ABCC4: variants seen among roughly 807,000 people sequenced by gnomAD.
ABCC4 encodes ATP binding cassette subfamily C member 4 (PEL blood group), also known as ATP-binding cassette sub-family C member 4.
Under a neutral mutation model 168.5 loss-of-function variants are expected in ABCC4, and 102 were observed. The ratio of observed to expected loss-of-function variants is 0.61; its 90% confidence interval spans 0.52 to 0.71. The LOEUF is 0.71. ABCC4 is among the 30% of genes least tolerant of loss of function. The pLI, the probability that ABCC4 is intolerant of heterozygous loss-of-function variation, is 0.00. For synonymous variants in ABCC4, 617 were observed against 590.7 expected (o/e 1.04, Z -0.65); for missense variants, 1,402 against 1,605.8 (o/e 0.87, Z 2.17).
chr13:95,247,173 G>T, intron 2 of ABCC4, 78 bp from the exon 3 acceptor site: 1 of 1,489,426 alleles, frequency 6.7e-7, no homozygotes, highest in South Asian at 1.2e-5. Flanking sequence ...AGAGTGACAG[G>T]TATGCATTTA....
Position 95,291,648 on chromosome 13 carries a change from T to C in ABCC4, c.74+9593A>G, listed in dbSNP as rs1334155640. On this transcript the variant is annotated intron_variant, in intron 1 of 30. Coordinates refer to ENST00000645237, the MANE Select transcript of ABCC4 (RefSeq NM_005845.5). The stretch of plus-strand genomic sequence containing the variant: ...GCATAGGGATAGAAGAGCAGTTACA[T>C]GGGGACAAGCCCTGCGGACTGTGAG... 2.6e-5 allele frequency among the ~76,000 whole-genome samples: 4 copies of C among 152,194 alleles called. No individual in the cohort carries two copies. The East Asian group carries it at 7.7e-4, about 29-fold the overall frequency.
At chr13:95,190,991 C>T (rs967194944) in intron 9 of ABCC4, among the ~76,000 whole-genome samples, 3 of 152,178 alleles carry the variant, frequency 2.0e-5, no homozygotes, top group African/African-American at 7.2e-5. Flanking sequence ...AAGGATTCTT[C>T]AAAATGAATC....
chr13:95,204,760 G>C (rs927085501), intron 8 of ABCC4, among the ~76,000 whole-genome samples: 4 of 152,168 alleles, frequency 2.6e-5, no homozygotes, highest in African/African-American at 9.7e-5. Flanking sequence ...TTCTAAGATA[G>C]GCAAACTCCT....
At chr13:95,241,240 C>T (rs999709566) in intron 3 of ABCC4, among the ~76,000 whole-genome samples, 1 of 151,200 alleles carries the variant, frequency 6.6e-6, no homozygotes, top group Non-Finnish European at 1.5e-5. Flanking sequence ...TGGCGCACAC[C>T]TGTAGTCCCA....
chr13:95,075,638 C>A, intron 21 of ABCC4, 87 bp from the exon 22 acceptor site: 1 of 1,562,708 alleles, frequency 6.4e-7, no homozygotes, highest in Non-Finnish European at 8.7e-7. Context: ...ACGTATCCAC[C>A]AAACAGCACA....
chr13:95,294,215 C>T (rs1370048925), intron 1 of ABCC4, among the ~76,000 whole-genome samples: 1 of 151,946 alleles, frequency 6.6e-6, no homozygotes, highest in Non-Finnish European at 1.5e-5. Flanking sequence ...AAAAAATTAT[C>T]CGGGCGTGGT....
In ABCC4 at chr13:95,126,202, G is replaced by A. The variant is rs114444015; in HGVS notation, c.2456-10201C>T. ...ACTGCTCCAGTATCCTGTCACTGTC[G>A]TTTGCGGCTAAATGCTCATGGAATA... On this transcript the variant is annotated intron_variant, in intron 19 of 30. Transcript: ENST00000645237. Among the ~76,000 whole-genome samples the A allele has an allele frequency of 5.1e-3, 773 of 152,144 alleles. 8 individuals carry two copies. Among genetic ancestry groups the A allele is most frequent in the African/African-American group, 0.018 (738 of 41,500 alleles).
Position 95,172,077 on chromosome 13 carries a change from C to T in ABCC4, c.1728-1449G>A, listed in dbSNP as rs1262717807. Among the ~76,000 whole-genome samples the T allele has an allele frequency of 2.6e-5, 4 of 152,338 alleles. No homozygotes were observed. In the East Asian group the frequency reaches 7.7e-4, roughly 29 times the overall value. On this transcript the variant is annotated intron_variant, in intron 13 of 30. Coordinates refer to ENST00000645237, the MANE Select transcript of ABCC4 (RefSeq NM_005845.5). ...AGGTTTCAAAATGTTTTCTTCCTAA[C>T]ATCTTCCATTGTAGATGAGATAATA...
At chr13:95,281,879 G>A (rs2041133133) in intron 1 of ABCC4, among the ~76,000 whole-genome samples, 1 of 152,150 alleles carries the variant, frequency 6.6e-6, no homozygotes, top group Non-Finnish European at 1.5e-5. Flanking sequence ...GGCCAAGGAG[G>A]GCAGATCACC....
intron 1 of ABCC4, chr13:95,269,433 AAATAT>A (rs1566586270): frequency 3.3e-5 from 6 of 180,810 alleles, no homozygotes; most frequent in South Asian, 7.2e-5. Context: ...CTCAAAAAAA[AAATAT>A]ATATATATAT....
chr13:95,170,796 A>G (rs1477194531), intron 13 of ABCC4, among the ~76,000 whole-genome samples, 168 bp from the exon 14 acceptor site: 1 of 152,172 alleles, frequency 6.6e-6, no homozygotes, highest in African/African-American at 2.4e-5. Context: ...AGGTCCTCAA[A>G]ACCACTAGCA....
chr13:95,218,943 A>G (rs867805246), intron 4 of ABCC4, among the ~76,000 whole-genome samples: 7 of 32,532 alleles, frequency 2.2e-4, no homozygotes, highest in South Asian at 5.8e-4. Context: ...GAAAGAAAGA[A>G]AGAAAGAAAG....
In ABCC4 at chr13:95,069,236, T is replaced by A. The variant is rs531379561; in HGVS notation, c.3210+2426A>T. Among the ~76,000 whole-genome samples the A allele has an allele frequency of 7.2e-5, 11 of 152,286 alleles. No homozygotes were observed. In the South Asian group the frequency reaches 1.7e-3, roughly 23 times the overall value. On this transcript the variant is annotated intron_variant, in intron 25 of 30. Transcript: ENST00000645237. ...GTGTTTTGTTACCGATTTCTTTGTA[T>A]GTGCATATCCCTCACTCTCACAGGC...
At chr13:95,243,823 T>G (rs2040009880) in intron 3 of ABCC4, among the ~76,000 whole-genome samples, 1 of 150,736 alleles carries the variant, frequency 6.6e-6, no homozygotes, top group African/African-American at 2.4e-5. Context: ...GAGATGGAGG[T>G]TGCAGTGAGC....
intron 8 of ABCC4, among the ~76,000 whole-genome samples, chr13:95,204,571 C>T (rs1430941883): frequency 6.6e-6 from 1 of 152,182 alleles, no homozygotes; most frequent in African/African-American, 2.4e-5. Flanking sequence ...GCTTCCCCTT[C>T]CGCCATGACT....
intron 20 of ABCC4, among the ~76,000 whole-genome samples, chr13:95,113,138 T>C (rs958782544): frequency 6.6e-6 from 1 of 152,108 alleles, no homozygotes; most frequent in Non-Finnish European, 1.5e-5. Context: ...TAAAAATGTA[T>C]CACAGAACTG....
At chr13:95,106,398 C>A (rs553497541) in intron 20 of ABCC4, among the ~76,000 whole-genome samples, 2 of 151,264 alleles carry the variant, frequency 1.3e-5, no homozygotes, top group East Asian at 3.9e-4. Context: ...TATATTTTAA[C>A]CAAAAAGTAA....
At chr13:95,232,128 ATGGTGG>A (rs56881654) in intron 4 of ABCC4, among the ~76,000 whole-genome samples, 2 of 135,360 alleles carry the variant, frequency 1.5e-5, no homozygotes, top group African/African-American at 5.4e-5. Flanking sequence ...GCTGATGATG[ATGGTGG>A]TGGTGGTGGT....
chr13:95,135,201 C>G (rs115296744), intron 19 of ABCC4, among the ~76,000 whole-genome samples: 2 of 152,104 alleles, frequency 1.3e-5, no homozygotes, highest in Non-Finnish European at 2.9e-5. Flanking sequence ...GACACCAGCA[C>G]GAGCTTGAGA....
Sources: gnomAD v4.1 joint callset for allele counts (sites outside exome capture counted in the v4.1 genomes callset) on GRCh38, gnomAD v4.1.1 for gene constraint, MANE v1.5 for transcripts, NCBI Gene and HGNC (gene_info 2026-07-23, HGNC 2026-07-21) for gene names.